Variants in NUDCD3 observed in about 807,000 individuals in gnomAD.
NUDCD3 encodes the protein nudC domain-containing protein 3.
A neutral mutation model predicts 39.7 loss-of-function variants in NUDCD3; 13 were observed. The ratio of observed to expected loss-of-function variants is 0.33; its 90% CI spans 0.21 to 0.52. The LOEUF (loss-of-function observed/expected upper bound fraction) is 0.52. Ranked by LOEUF, NUDCD3 falls within the 20% of genes least tolerant of loss-of-function variation. The pLI is 0.96. For missense variants in NUDCD3, 453 were observed against 458.1 expected (o/e 0.99, Z 0.10); for synonymous variants, 175 against 172.4 (o/e 1.02, Z -0.12).
At chr7:44,469,115 CAA>C (rs756247647) in intron 2 of NUDCD3, among the ~76,000 whole-genome samples, 2,861 of 32,672 alleles carry the variant, frequency 0.088, 31 homozygotes, top group Middle Eastern at 0.12. Context: ...ACAAACAAAC[CAA>C]AAAAAAAAAA....
intron 2 of NUDCD3, among the ~76,000 whole-genome samples, chr7:44,448,824 A>G (rs1352921853): frequency 1.3e-5 from 2 of 152,214 alleles, no homozygotes; most frequent in African/African-American, 4.8e-5. Flanking sequence ...TTGCTTCCTA[A>G]GGATGTGCTC....
chr7:44,467,754 C>T (rs192483378), intron 2 of NUDCD3: 36 of 637,764 alleles, frequency 5.6e-5, no homozygotes, highest in African/African-American at 5.2e-4. Context: ...CTCATTTAAT[C>T]CTTACAACAG....
At chr7:44,393,580 C>T (rs1339462734) in intron 4 of NUDCD3, among the ~76,000 whole-genome samples, 2 of 152,222 alleles carry the variant, frequency 1.3e-5, no homozygotes, top group African/African-American at 4.8e-5. Flanking sequence ...GGTTTGTCTA[C>T]TTTGCCCTAG....
At chr7:44,490,316 G>A (rs1390628803) in intron 1 of NUDCD3, 93 bp downstream of exon 1, 18 of 1,248,468 alleles carry the variant, frequency 1.4e-5, no homozygotes, top group Non-Finnish European at 1.6e-5. Flanking sequence ...GGAAAAGGAG[G>A]AAACAGGCTG....
At chr7:44,416,726 C>A (rs766306444) in intron 3 of NUDCD3, among the ~76,000 whole-genome samples, 4 of 152,156 alleles carry the variant, frequency 2.6e-5, no homozygotes, top group Non-Finnish European at 5.9e-5. Context: ...AAATAAGCCA[C>A]TGAAAAAAGA....
At chr7:44,404,963 C>T (rs968789654) in intron 3 of NUDCD3, among the ~76,000 whole-genome samples, 2 of 152,108 alleles carry the variant, frequency 1.3e-5, no homozygotes, top group Non-Finnish European at 2.9e-5. Flanking sequence ...ACCTGGGAGA[C>T]GCAGGAGCCC....
chr7:44,390,749 C>T (rs2116858765), intron 5 of NUDCD3, among the ~76,000 whole-genome samples: 1 of 152,252 alleles, frequency 6.6e-6, no homozygotes, highest in East Asian at 1.9e-4. Context: ...CCAAACACTA[C>T]CATGAGAAGC....
At chr7:44,432,856 C>A (rs1279119902) in intron 2 of NUDCD3, among the ~76,000 whole-genome samples, 1 of 152,228 alleles carries the variant, frequency 6.6e-6, no homozygotes, top group Non-Finnish European at 1.5e-5. Context: ...TCACTGTCCC[C>A]TCAGGAGAGG....
chr7:44,435,932 G>A (rs940649562), intron 2 of NUDCD3, among the ~76,000 whole-genome samples: 3 of 152,120 alleles, frequency 2.0e-5, no homozygotes, highest in Non-Finnish European at 4.4e-5. Context: ...ATCACAACCA[G>A]GAGCACACAG....
chr7:44,408,576 G>A (rs1426682113), intron 3 of NUDCD3, among the ~76,000 whole-genome samples: 2 of 152,308 alleles, frequency 1.3e-5, no homozygotes, highest in East Asian at 3.9e-4. Context: ...CAGTGAAAAT[G>A]GTGGTTACTA....
intron 3 of NUDCD3, among the ~76,000 whole-genome samples, chr7:44,426,676 G>C (rs1168523529): frequency 6.6e-6 from 1 of 151,112 alleles, no homozygotes; most frequent in Non-Finnish European, 1.5e-5. Context: ...GGCGCCTGTA[G>C]TCCCAGCTAC....
chr7:44,426,359 AG>A (rs1180795614), intron 3 of NUDCD3: 1 of 159,424 alleles, frequency 6.3e-6, no homozygotes, highest in Admixed American at 6.5e-5. Flanking sequence ...ACAGAGGCAC[AG>A]GGAGTGACAC....
At chr7:44,404,850 C>T (rs1798789369) in intron 3 of NUDCD3, among the ~76,000 whole-genome samples, 1 of 152,214 alleles carries the variant, frequency 6.6e-6, no homozygotes, top group Non-Finnish European at 1.5e-5. Context: ...GCTGCTGTGA[C>T]CCAATCTTCT....
chr7:44,386,527 G>A (rs1798405805), intron 5 of NUDCD3, among the ~76,000 whole-genome samples: 1 of 152,196 alleles, frequency 6.6e-6, no homozygotes, highest in African/African-American at 2.4e-5. Context: ...TGTAGAGAAG[G>A]TGCGTAGAGA....
intron 3 of NUDCD3, chr7:44,426,228 G>C: frequency 1.1e-6 from 1 of 886,448 alleles, no homozygotes; most frequent in Non-Finnish European, 1.4e-6. Context: ...TTGCTGAGGG[G>C]AACAAAGGCC....
At chr7:44,431,667 CCTTT>C (rs940188197) in intron 2 of NUDCD3, among the ~76,000 whole-genome samples, 6 of 140,516 alleles carry the variant, frequency 4.3e-5, no homozygotes, top group Non-Finnish European at 8.0e-5. Flanking sequence ...CTCTCTCCTT[CCTTT>C]TTTTTTTTTT....
intron 2 of NUDCD3, among the ~76,000 whole-genome samples, chr7:44,429,827 G>C (rs1483029476): frequency 6.6e-6 from 1 of 152,210 alleles, no homozygotes; most frequent in African/African-American, 2.4e-5. Context: ...TGGGGGGAAG[G>C]AAACTAAAGA....
chr7:44,465,693 A>T (rs1289586477), intron 2 of NUDCD3, among the ~76,000 whole-genome samples: 2 of 152,204 alleles, frequency 1.3e-5, no homozygotes, highest in African/African-American at 4.8e-5. Flanking sequence ...CACTTAGGGT[A>T]GAGTGGATAA....
chr7:44,417,601 G>A (rs746329947), intron 3 of NUDCD3, among the ~76,000 whole-genome samples: 3 of 152,158 alleles, frequency 2.0e-5, no homozygotes, highest in Non-Finnish European at 2.9e-5. Context: ...ATGAAGCATG[G>A]CAATCGATGC....
Sources: allele counts gnomAD v4.1 joint callset (sites outside exome capture counted in the v4.1 genomes callset), GRCh38; gene constraint gnomAD v4.1.1; transcripts MANE v1.5; gene names NCBI Gene and HGNC (gene_info 2026-07-23, HGNC 2026-07-21).